RIOK2: variants seen among roughly 807,000 people sequenced by gnomAD.
RIOK2 encodes serine/threonine-protein kinase RIO2.
A neutral mutation model predicts 62.4 loss-of-function variants in RIOK2; 46 were observed. The ratio of observed to expected loss-of-function variants is 0.74; its 90% CI spans 0.58 to 0.94. RIOK2 has a LOEUF of 0.94. RIOK2 is among the 40% of genes least tolerant of loss of function. RIOK2 has a pLI of 0.00. For synonymous variants in RIOK2, 197 were observed against 216.0 expected (o/e 0.91, Z 0.77); for missense variants, 574 against 658.0 (o/e 0.87, Z 1.40).
chr5:97,182,943 G>A (rs1369962329), intron 1 of RIOK2, 183 bp downstream of exon 1: 2 of 723,872 alleles, frequency 2.8e-6, no homozygotes, highest in African/African-American at 3.5e-5. Context: ...CTGGGGGAAG[G>A]TAAGCTCCCA....
In RIOK2 at chr5:97,179,013, C is replaced by A. The variant is rs62377109; in HGVS notation, c.205+42G>T. 6 of 1,611,792 alleles carry A rather than the reference C, an allele frequency of 3.7e-6. No individual in the cohort carries two copies. The African/African-American group carries it at 8.0e-5, about 22-fold the overall frequency. ...TTGGAACACTTGCTCTGGTGGAAAC[C>A]AATTACCTGAAAAATCACAAATGGT... On this transcript the variant is annotated intron_variant, in intron 2 of 9. Coordinates refer to ENST00000283109, the MANE Select transcript of RIOK2 (RefSeq NM_018343.3).
At chr5:97,175,938 T>G (rs963355395) in intron 4 of RIOK2, 1 of 152,208 alleles carries the variant, frequency 6.6e-6, no homozygotes, top group Admixed American at 6.5e-5. Flanking sequence ...AAAGGATTTT[T>G]TTTTTTAATG....
At chr5:97,168,270 T>C (rs913608019) in intron 7 of RIOK2, among the ~76,000 whole-genome samples, 3 of 152,330 alleles carry the variant, frequency 2.0e-5, no homozygotes, top group Admixed American at 1.3e-4. Flanking sequence ...CTTTGTAAAT[T>C]AACTTTCAAA....
At chr5:97,165,984 T>C (rs1027726773) in intron 8 of RIOK2, among the ~76,000 whole-genome samples, 2 of 152,164 alleles carry the variant, frequency 1.3e-5, no homozygotes, top group African/African-American at 4.8e-5. Context: ...ATTGAAGGCC[T>C]GATGAGAACA....
chr5:97,182,306 G>A (rs1430751851), intron 1 of RIOK2, among the ~76,000 whole-genome samples: 1 of 152,170 alleles, frequency 6.6e-6, no homozygotes, highest in East Asian at 1.9e-4. Flanking sequence ...CCAACCATTA[G>A]TGTGCATCTC....
Position 97,167,864 on chromosome 5 carries a change from A to C in RIOK2, c.1000T>G (p.Phe334Val), listed in dbSNP as rs1300797594. The change falls in exon 8 of 10, where the codon TTC becomes GTC. Residue 334 changes from phenylalanine (F) to valine (V), a missense_variant. By Grantham distance (50) the Phe-to-Val change is conservative. Coordinates refer to ENST00000283109, the MANE Select transcript of RIOK2 (RefSeq NM_018343.3). ...KNIETKEGSE[F>V]SFSDGEVAEK... ...GCCACTTCTCCATCTGAAAATGAGA[A>C]TTCAGATCCCTCTTTTGTTTCAATA... 2 of 1,614,006 alleles carry C rather than the reference A, an allele frequency of 1.2e-6. No homozygotes were observed. Among genetic ancestry groups the C allele is most frequent in the South Asian group, 1.1e-5 (1 of 91,084 alleles).
chr5:97,182,791 G>C (rs1157997808), intron 1 of RIOK2: 6 of 214,746 alleles, frequency 2.8e-5, no homozygotes, highest in African/African-American at 1.3e-4. Context: ...GGGGGGGGGG[G>C]GGCTTAAACC....
rs187251402 is a variant in RIOK2, at chr5:97,183,224, G to A, written c.-33C>T. 513 of 1,611,774 alleles carry A rather than the reference G, an allele frequency of 3.2e-4. 2 individuals carry two copies. In the African/African-American group the frequency reaches 6.2e-3, roughly 20 times the overall value. On this transcript the variant is annotated 5_prime_UTR_variant, in exon 1 of 10. Coordinates refer to ENST00000283109, the MANE Select transcript of RIOK2 (RefSeq NM_018343.3). ...CCAGTCCGAACCCAGATGCCTCTCC[G>A]ACGACAGCCGCAAAGCGTAAGGCAG...
rs202159794 is a variant in RIOK2, at chr5:97,179,123, T to C, written c.137A>G (p.His46Arg). The C allele has an allele frequency of 1.2e-4, 201 of 1,613,878 alleles. 1 individual carries two copies. The highest frequency in any genetic ancestry group is 4.6e-4 in the South Asian group (42 of 91,084). The stretch of plus-strand genomic sequence containing the variant: ...TCTTAAAACTTTATTACAGCCACCA[T>C]GTTTAAGGCTGGCTATAGAAGCAAT... Reference protein sequence around the residue: ...SLIASIASLKHGGCNKVLREL... With the variant: ...SLIASIASLKRGGCNKVLREL... Residue 46 changes from histidine to arginine, a missense_variant, in exon 2 of 10, where the codon CAT (histidine) becomes CGT (arginine). By Grantham distance (29) the His-to-Arg change is conservative. Transcript: ENST00000283109.
chr5:97,172,236 A>C (rs1031331578), intron 5 of RIOK2, among the ~76,000 whole-genome samples: 11 of 152,008 alleles, frequency 7.2e-5, no homozygotes, highest in Admixed American at 7.2e-4. Flanking sequence ...GACTTCTCTA[A>C]CTCCCAGGCA....
intron 6 of RIOK2, among the ~76,000 whole-genome samples, chr5:97,169,120 A>C (rs1748926285): frequency 6.6e-6 from 1 of 152,200 alleles, no homozygotes. Flanking sequence ...ACTGGTATAT[A>C]GTTAGATACA....
In RIOK2 at chr5:97,168,871, T is replaced by C. The variant is rs760390673; in HGVS notation, c.780-19A>G. The stretch of plus-strand genomic sequence containing the variant: ...AAAATACCTGCAAAAGCAAGAATCA[T>C]TTATGATATAGTCTTTATTGCTCCT... On this transcript the variant is annotated intron_variant, in intron 6 of 9. Coordinates refer to ENST00000283109, the MANE Select transcript of RIOK2 (RefSeq NM_018343.3). 8.9e-6 allele frequency: 13 copies of C among 1,456,264 alleles called. No individual in the cohort carries two copies. Among genetic ancestry groups the C allele is most frequent in the Non-Finnish European group, 6.6e-6 (7 of 1,056,890 alleles). 90.2% of individuals were successfully genotyped at this position (1,456,264 alleles called of 1,614,324 possible). A position where few individuals can be genotyped will look rare whatever the true frequency, so the allele number is the denominator to read the frequency against.
chr5:97,163,507 TC>T (rs1281207002), intron 9 of RIOK2, among the ~76,000 whole-genome samples: 2 of 152,198 alleles, frequency 1.3e-5, no homozygotes, highest in African/African-American at 4.8e-5. Flanking sequence ...AACTGCTTGT[TC>T]CTCTGCTTTT....
chr5:97,178,936 T>A (rs1026390992), intron 2 of RIOK2, 119 bp downstream of exon 2: 1 of 1,124,842 alleles, frequency 8.9e-7, no homozygotes, highest in Non-Finnish European at 1.3e-6. Flanking sequence ...GTGTGTTCTG[T>A]CAGTTCTTCG....
chr5:97,167,990 T>G lies in RIOK2; in HGVS notation c.874A>C (p.Arg292=). The part of the protein sequence containing the change: ...ELFPTFKDIR[R]EDTLDVEVSA... ...ACCTCCACATCAAGAGTGTCTTCTC[T>G]CCTAGAAAAAAAAGGCGTCAAGCAT... Residue 292 remains arginine (R), a splice_region_variant and synonymous_variant, in exon 8 of 10, where the codon AGA becomes CGA. Transcript: ENST00000283109. 1 of 1,576,098 alleles carries G rather than the reference T, an allele frequency of 6.3e-7. No homozygotes were observed.
At chr5:97,170,319 G>A (rs994112478) in intron 6 of RIOK2, among the ~76,000 whole-genome samples, 1 of 152,136 alleles carries the variant, frequency 6.6e-6, no homozygotes, top group African/African-American at 2.4e-5. Flanking sequence ...TATGATTATC[G>A]CAGTATATCA....
rs1214691098 is a variant in RIOK2, at chr5:97,161,713, G to A, written c.*1348C>T. 1.3e-5 allele frequency: 2 copies of A among 152,100 alleles called. No individual in the cohort carries two copies. Among genetic ancestry groups the A allele is most frequent in the African/African-American group, 4.8e-5 (2 of 41,428 alleles). The allele number at this position is 152,100 out of a possible 1,614,324, so 9.4% of individuals were successfully genotyped here. On this transcript the variant is annotated 3_prime_UTR_variant, in exon 10 of 10. Coordinates refer to ENST00000283109, the MANE Select transcript of RIOK2 (RefSeq NM_018343.3). The stretch of plus-strand genomic sequence containing the variant: ...TGAGTCAACTAGGTAAAGCTGAGCA[G>A]GATAAGGCTTTATTCCCAATTTGCT...
At chr5:97,171,024 G>A (rs1242661067) in intron 6 of RIOK2, among the ~76,000 whole-genome samples, 182 bp downstream of exon 6, 2 of 151,988 alleles carry the variant, frequency 1.3e-5, no homozygotes, top group African/African-American at 4.8e-5. Flanking sequence ...AGCCAGGTGT[G>A]GTGGCACATG....
chr5:97,182,299 A>G (rs888450702), intron 1 of RIOK2, among the ~76,000 whole-genome samples: 3 of 152,104 alleles, frequency 2.0e-5, no homozygotes, highest in African/African-American at 7.2e-5. Context: ...TACATCTCCA[A>G]CCATTAGTGT....
Sources: allele counts gnomAD v4.1 joint callset (sites outside exome capture counted in the v4.1 genomes callset), GRCh38; gene constraint gnomAD v4.1.1; transcripts MANE v1.5; gene names NCBI Gene and HGNC (gene_info 2026-07-23, HGNC 2026-07-21).